Variants in CLPTM1 observed in about 807,000 individuals in gnomAD.
CLPTM1 encodes the protein CLPTM1 regulator of GABA type A receptor forward trafficking.
A neutral mutation model predicts 77.3 loss-of-function variants in CLPTM1; 21 were observed. The observed-to-expected ratio is 0.27, with a 90% CI of 0.19 to 0.39. The LOEUF is 0.39. CLPTM1 is among the 10% of genes least tolerant of loss of function. CLPTM1 has a pLI of 1.00. For synonymous variants in CLPTM1, 373 were observed against 381.0 expected, an observed-to-expected ratio of 0.98 and a Z score of 0.24; for missense variants, 642 against 921.2, an observed-to-expected ratio of 0.70 and a Z score of 3.92.
chr19:44,966,335 T>C (rs548222126), intron 2 of CLPTM1, among the ~76,000 whole-genome samples: 19 of 151,886 alleles, frequency 1.3e-4, no homozygotes, highest in African/African-American at 3.6e-4. Context: ...GGCGTGAACC[T>C]AGGAGGCGGA....
Position 44,956,375 on chromosome 19 carries a change from G to A in CLPTM1, c.72+908G>A, listed in dbSNP as rs188532896. Among the ~76,000 whole-genome samples, 329 of 152,312 alleles carry A rather than the reference G, an allele frequency of 2.2e-3. 2 individuals are homozygous for A. Among genetic ancestry groups the A allele is most frequent in the Non-Finnish European group, 1.4e-3 (96 of 68,034 alleles). ...CAGGAGGGCCAGCCATATCCCTGCTGTCAGGGGACGAAGAGAGGAGACTGA... is the reference window on the plus strand; with the variant it reads ...CAGGAGGGCCAGCCATATCCCTGCTATCAGGGGACGAAGAGAGGAGACTGA... On this transcript the variant is annotated intron_variant, in intron 1 of 13. Transcript: ENST00000337392.
rs568274405 is a variant in CLPTM1, at chr19:44,991,217, C to G, written c.1420-21C>G. On this transcript the variant is annotated intron_variant, in intron 11 of 13. Transcript: ENST00000337392. The surrounding 1 kb of genome is among the most constrained non-coding windows in gnomAD (Gnocchi z 5.4). ...GCAGGGCTGAGGAGCTGGCTGACAGCCCCACCCTGTGGCCCCACAGATGGC... is the reference window on the plus strand; with the variant it reads ...GCAGGGCTGAGGAGCTGGCTGACAGGCCCACCCTGTGGCCCCACAGATGGC... 6.2e-7 allele frequency: 1 copy of G among 1,613,386 alleles called. No homozygotes were observed. The highest frequency in any genetic ancestry group is 1.1e-5 in the South Asian group (1 of 91,062).
Position 44,985,221 on chromosome 19 carries a change from T to C in CLPTM1, c.590T>C (p.Ile197Thr). The C allele has an allele frequency of 6.2e-7, 1 of 1,612,998 alleles. No individual in the cohort carries two copies. Among genetic ancestry groups the C allele is most frequent in the Non-Finnish European group, 8.5e-7 (1 of 1,179,392 alleles). ...RLATVHMSRM[I>T]NKYKRRRFQK... The stretch of plus-strand genomic sequence containing the variant: ...CTTTCCCACCTCCCAACCACAGTGA[T>C]CAACAAATACAAGCGCAGACGATTT... The change falls in exon 6 of 14, where the codon ATC becomes ACC. Residue 197 changes from isoleucine to threonine, a missense_variant. Ile to Thr is a moderately conservative substitution (Grantham distance 89). Transcript: ENST00000337392.
chr19:44,986,655 C>T, intron 7 of CLPTM1, 80 bp downstream of exon 7: 3 of 1,538,030 alleles, frequency 2.0e-6, no homozygotes, highest in Non-Finnish European at 2.6e-6. Context: ...TTCTCCTGGC[C>T]CTGTCCCCCT....
In CLPTM1 at chr19:44,972,987, G is replaced by C. The variant is rs899696200; in HGVS notation, c.186-100G>C. On this transcript the variant is annotated intron_variant, in intron 2 of 13. Transcript: ENST00000337392. ...CTCCCTGACTTGGTCACTAGCCCCAGGTCAGGCGCCAGCATGTGCTAAGTC... is the reference window on the plus strand; with the variant it reads ...CTCCCTGACTTGGTCACTAGCCCCACGTCAGGCGCCAGCATGTGCTAAGTC... 2.0e-6 allele frequency: 3 copies of C among 1,519,272 alleles called. No individual in the cohort carries two copies. The African/African-American group carries it at 4.2e-5, about 21-fold the overall frequency. The allele number at this position is 1,519,272 out of a possible 1,614,324, so 94.1% of individuals were successfully genotyped here. A position where few individuals can be genotyped will look rare whatever the true frequency, so the allele number is the denominator to read the frequency against.
At chr19:44,970,981 C>T (rs940228128) in intron 2 of CLPTM1, among the ~76,000 whole-genome samples, 1 of 147,240 alleles carries the variant, frequency 6.8e-6, no homozygotes, top group Non-Finnish European at 1.5e-5. Flanking sequence ...CAGGCATGCA[C>T]CACCACTCCT....
chr19:44,957,297 T>C (rs1970479404), intron 1 of CLPTM1, among the ~76,000 whole-genome samples: 1 of 116,964 alleles, frequency 8.5e-6, no homozygotes, highest in African/African-American at 2.9e-5. Flanking sequence ...CCTCTTTGAC[T>C]GTCTGGGCTC....
At chr19:44,974,901 A>T (rs559752804) in intron 4 of CLPTM1, among the ~76,000 whole-genome samples, 4 of 152,344 alleles carry the variant, frequency 2.6e-5, no homozygotes, top group African/African-American at 9.6e-5. Context: ...ATGTTTGCCT[A>T]TCACCAGTTT....
At chr19:44,987,445 G>A (rs768508773) in intron 8 of CLPTM1, 22 bp downstream of exon 8, 62 of 1,609,718 alleles carry the variant, frequency 3.9e-5, no homozygotes, top group Admixed American at 1.3e-4. Flanking sequence ...CGGTGTGGGC[G>A]GGACTTCCCG....
At position 44,962,081 on chromosome 19, in the gene CLPTM1, C is replaced by T. The variant is rs1212141901; in HGVS notation, c.185+6C>T. ...ATCAAAGGTGTGCTGTTTAGGTGAG[C>T]AGACGGGACTTGGGTTTGTTCACCG... is the stretch of plus-strand genomic sequence containing the variant. On this transcript the variant is annotated splice_donor_region_variant and intron_variant, in intron 2 of 13. Transcript: ENST00000337392. 1 of 1,553,036 alleles carries T rather than the reference C, an allele frequency of 6.4e-7. No homozygotes were observed.
intron 9 of CLPTM1, among the ~76,000 whole-genome samples, chr19:44,988,760 A>G (rs868836070): frequency 2.0e-5 from 3 of 152,058 alleles, no homozygotes; most frequent in African/African-American, 7.2e-5. Context: ...TCCAGCCCCA[A>G]CTCTCATCTT....
At chr19:44,964,158 T>TG (rs1211014988) in intron 2 of CLPTM1, among the ~76,000 whole-genome samples, 1 of 151,808 alleles carries the variant, frequency 6.6e-6, no homozygotes, top group Non-Finnish European at 1.5e-5. Context: ...AAAAAAAAGT[T>TG]GGGGGGACCC....
chr19:44,990,298 A>C lies in CLPTM1; in HGVS notation c.1133-97A>C. The C allele has an allele frequency of 1.6e-6, 2 of 1,268,166 alleles. No individual in the cohort carries two copies. Among genetic ancestry groups the C allele is most frequent in the Non-Finnish European group, 1.1e-6 (1 of 898,294 alleles). 78.6% of individuals were successfully genotyped at this position (1,268,166 alleles called of 1,614,324 possible). A position where few individuals can be genotyped will look rare whatever the true frequency, so the allele number is the denominator to read the frequency against. On this transcript the variant is annotated intron_variant, in intron 9 of 13. Coordinates refer to ENST00000337392, the MANE Select transcript of CLPTM1 (RefSeq NM_001294.4). This position sits in a 1 kb window ranked among gnomAD's most constrained non-coding sequence, Gnocchi z 4.8. The stretch of plus-strand genomic sequence containing the variant: ...CCTCCTGAGGACCCAGCCCCACCCC[A>C]GGGTGTGAGGATGCAGGCCAAGGGG...
At chr19:44,986,930 C>A in intron 7 of CLPTM1, 1 of 561,384 alleles carries the variant, frequency 1.8e-6, no homozygotes, top group Non-Finnish European at 3.1e-6. Context: ...ACATGGTCAC[C>A]CACAGGGCAG....
chr19:44,984,819 TG>T (rs1198022896), intron 5 of CLPTM1, among the ~76,000 whole-genome samples: 1 of 152,164 alleles, frequency 6.6e-6, no homozygotes, highest in Non-Finnish European at 1.5e-5. Flanking sequence ...TCCGAGTAGC[TG>T]GGATTACAGG....
chr19:44,958,833 C>CTTTTA (rs1194272980), intron 1 of CLPTM1, among the ~76,000 whole-genome samples: 86 of 152,338 alleles, frequency 5.6e-4, no homozygotes, highest in African/African-American at 1.0e-3. Flanking sequence ...TCTGCTGCTC[C>CTTTTA]CAATCCTAGG....
At chr19:44,977,682 G>T (rs899011749) in intron 5 of CLPTM1, among the ~76,000 whole-genome samples, 2 of 152,202 alleles carry the variant, frequency 1.3e-5, no homozygotes, top group Non-Finnish European at 2.9e-5. Flanking sequence ...ACCCACGGAG[G>T]CTCAGGGACC....
Position 44,955,461 on chromosome 19 carries a change from C to A in CLPTM1, c.66C>A (p.Ser22=). Residue 22 remains serine, a synonymous_variant, in exon 1 of 14, where the codon TCC becomes TCA. Coordinates refer to ENST00000337392, the MANE Select transcript of CLPTM1 (RefSeq NM_001294.4). The part of the protein sequence containing the change: ...SAVVAAGGGS[S]GQVTSNGSIG... The stretch of plus-strand genomic sequence containing the variant: ...TGGTGGCGGCCGGGGGAGGCAGCTC[C>A]GGTCAGGTACGGAGGCCGAGAGGGG... 7.6e-7 allele frequency: 1 copy of A among 1,323,332 alleles called. No individual in the cohort carries two copies. Among genetic ancestry groups the A allele is most frequent in the African/African-American group, 1.5e-5 (1 of 64,816 alleles). The allele number at this position is 1,323,332 out of a possible 1,614,324, so 82.0% of individuals were successfully genotyped here. A position where few individuals can be genotyped will look rare whatever the true frequency, so the allele number is the denominator to read the frequency against.
At position 44,961,945 on chromosome 19, in the gene CLPTM1, G is replaced by A. The variant is rs771894851; in HGVS notation, c.73-18G>A. ...CGTGTCCATTCTCCCTCCTTACCCT[G>A]GCCTCTGTCCCCCACAGGTGACCAG... On this transcript the variant is annotated intron_variant, in intron 1 of 13. Coordinates refer to ENST00000337392, the MANE Select transcript of CLPTM1 (RefSeq NM_001294.4). 15 of 1,560,640 alleles carry A rather than the reference G, an allele frequency of 9.6e-6. No homozygotes were observed. In the South Asian group the frequency reaches 1.8e-4, roughly 18 times the overall value.
Sources: gnomAD v4.1 joint callset for allele counts (sites outside exome capture counted in the v4.1 genomes callset) on GRCh38, gnomAD v4.1.1 for gene constraint, Gnocchi (gnomAD v3.1) non-coding constraint, MANE v1.5 for transcripts, NCBI Gene and HGNC (gene_info 2026-07-23, HGNC 2026-07-21) for gene names.